The following MAN1A2 variants were observed in gnomAD, a reference collection of about 807,000 sequenced individuals.
The protein encoded by MAN1A2 is mannosyl-oligosaccharide 1,2-alpha-mannosidase IB.
Under a neutral mutation model 75.7 loss-of-function variants are expected in MAN1A2, and 26 were observed. That is an observed-to-expected ratio of 0.34 (90% CI 0.25 to 0.48). MAN1A2 has a LOEUF of 0.48. MAN1A2 is among the 20% of genes least tolerant of loss of function. MAN1A2 has a pLI of 0.99. For synonymous variants in MAN1A2, 247 were observed against 264.6 expected (o/e 0.93, Z 0.65); for missense variants, 562 against 775.5 (o/e 0.72, Z 3.27).
chr1:117,475,147 C>G (rs1359825196), intron 8 of MAN1A2, among the ~76,000 whole-genome samples: 2 of 151,708 alleles, frequency 1.3e-5, no homozygotes, highest in Non-Finnish European at 2.9e-5. Flanking sequence ...GACTTACACA[C>G]CTTCATATGT....
In MAN1A2 at chr1:117,442,217, G is replaced by A; in HGVS notation, c.856-14G>A. Reference sequence around the variant, plus strand: ...ATGGCTATAATTTATGAATATTCATGTTTTAAATCTCAGATATTCAAGATT... The same window carrying A: ...ATGGCTATAATTTATGAATATTCATATTTTAAATCTCAGATATTCAAGATT... On this transcript the variant is annotated splice_polypyrimidine_tract_variant and intron_variant, in intron 5 of 12. Transcript: ENST00000356554. 2 of 1,507,156 alleles carry A rather than the reference G, an allele frequency of 1.3e-6. No individual in the cohort carries two copies. The highest frequency in any genetic ancestry group is 1.8e-6 in the Non-Finnish European group (2 of 1,082,566). 93.4% of individuals were successfully genotyped at this position (1,507,156 alleles called of 1,614,324 possible).
At chr1:117,470,810 A>G (rs1179892095) in intron 8 of MAN1A2, among the ~76,000 whole-genome samples, 1 of 152,024 alleles carries the variant, frequency 6.6e-6, no homozygotes, top group Non-Finnish European at 1.5e-5. Flanking sequence ...TCATATTTAT[A>G]AATAGTCTGC....
chr1:117,484,689 G>A (rs2101864049), intron 8 of MAN1A2, among the ~76,000 whole-genome samples: 1 of 152,036 alleles, frequency 6.6e-6, no homozygotes, highest in South Asian at 2.1e-4. Flanking sequence ...ACACATTTAT[G>A]ATTTAATACT....
At chr1:117,398,767 G>C (rs1200925956) in intron 1 of MAN1A2, among the ~76,000 whole-genome samples, 2 of 151,972 alleles carry the variant, frequency 1.3e-5, no homozygotes. Flanking sequence ...ATAGATAGAA[G>C]CTACATTATA....
At chr1:117,424,080 AATATACTTTAAT>A (rs1648289843) in intron 5 of MAN1A2, among the ~76,000 whole-genome samples, 1 of 152,200 alleles carries the variant, frequency 6.6e-6, no homozygotes, top group South Asian at 2.1e-4. Flanking sequence ...GTAGCTTTAA[AATATACTTTAAT>A]AGATTCTTCA....
chr1:117,481,250 T>G (rs1324997929), intron 8 of MAN1A2, among the ~76,000 whole-genome samples: 1 of 151,836 alleles, frequency 6.6e-6, no homozygotes, highest in East Asian at 1.9e-4. Flanking sequence ...ACTTCAACTG[T>G]TTTTCAATGC....
intron 12 of MAN1A2, among the ~76,000 whole-genome samples, chr1:117,508,793 A>C (rs994439664): frequency 6.6e-6 from 1 of 151,220 alleles, no homozygotes; most frequent in Non-Finnish European, 1.5e-5. Flanking sequence ...ATAGATGAAC[A>C]TGTTAATAGT....
Position 117,499,779 on chromosome 1 carries a change from A to G in MAN1A2, c.1677+225A>G, listed in dbSNP as rs1189327567. 4.7e-5 allele frequency among the ~76,000 whole-genome samples: 7 copies of G among 148,860 alleles called. No homozygotes were observed. The Admixed American group carries it at 4.7e-4, about 10-fold the overall frequency. On this transcript the variant is annotated intron_variant, in intron 11 of 12. Coordinates refer to ENST00000356554, the MANE Select transcript of MAN1A2 (RefSeq NM_006699.5). The stretch of plus-strand genomic sequence containing the variant: ...ATATATTAAAAATATATAAATATAT[A>G]TATTTCAAAGGAGGAATTTTTAATG...
intron 10 of MAN1A2, among the ~76,000 whole-genome samples, chr1:117,498,688 C>G (rs1651106912): frequency 6.6e-6 from 1 of 151,782 alleles, no homozygotes; most frequent in Non-Finnish European, 1.5e-5. Flanking sequence ...GATTTGTGTC[C>G]TGTATTTTCA....
chr1:117,443,248 G>A (rs574121802), intron 6 of MAN1A2, among the ~76,000 whole-genome samples: 1 of 152,218 alleles, frequency 6.6e-6, no homozygotes, highest in African/African-American at 2.4e-5. Flanking sequence ...ACTTTATTGA[G>A]TTTAGATTTA....
chr1:117,488,480 G>GCCA (rs1277486401), intron 8 of MAN1A2, among the ~76,000 whole-genome samples: 7 of 152,024 alleles, frequency 4.6e-5, no homozygotes, highest in African/African-American at 1.4e-4. Flanking sequence ...GCAGGCGTGA[G>GCCA]CCACCATACC....
chr1:117,443,429 G>A (rs1363155419), intron 6 of MAN1A2, among the ~76,000 whole-genome samples: 1 of 152,106 alleles, frequency 6.6e-6, no homozygotes, highest in African/African-American at 2.4e-5. Context: ...GTATACGCTT[G>A]TTCTCGTTCC....
At chr1:117,468,825 A>G (rs1046767845) in intron 8 of MAN1A2, among the ~76,000 whole-genome samples, 1 of 152,154 alleles carries the variant, frequency 6.6e-6, no homozygotes, top group Non-Finnish European at 1.5e-5. Context: ...AGGAAACACT[A>G]TAGAAATAGA....
At chr1:117,455,935 T>C (rs966136702) in intron 6 of MAN1A2, among the ~76,000 whole-genome samples, 4 of 152,092 alleles carry the variant, frequency 2.6e-5, no homozygotes, top group African/African-American at 7.2e-5. Context: ...ATTCATCTGC[T>C]GTCAAACAAG....
At chr1:117,385,861 GC>G (rs1334882920) in intron 1 of MAN1A2, among the ~76,000 whole-genome samples, 2 of 151,968 alleles carry the variant, frequency 1.3e-5, no homozygotes, top group Admixed American at 6.6e-5. Context: ...ATTAAGTGAA[GC>G]CAGATACACA....
chr1:117,377,718 C>G (rs189436116), intron 1 of MAN1A2, among the ~76,000 whole-genome samples: 1 of 152,278 alleles, frequency 6.6e-6, no homozygotes, highest in East Asian at 1.9e-4. Context: ...TGCTGTGAAT[C>G]TTTCTGGTTA....
At chr1:117,369,204 A>C (rs1480165343) in intron 1 of MAN1A2, among the ~76,000 whole-genome samples, 1 of 152,202 alleles carries the variant, frequency 6.6e-6, no homozygotes, top group Non-Finnish European at 1.5e-5. Flanking sequence ...TGTGTCAAGC[A>C]ACTATTGGAA....
intron 8 of MAN1A2, among the ~76,000 whole-genome samples, chr1:117,491,039 A>G (rs947869587): frequency 6.6e-6 from 1 of 152,054 alleles, no homozygotes; most frequent in Non-Finnish European, 1.5e-5. Flanking sequence ...GCTGCCTCCA[A>G]AACATAAAGG....
chr1:117,390,357 GTTTT>G (rs926777520), intron 1 of MAN1A2, among the ~76,000 whole-genome samples: 5 of 145,564 alleles, frequency 3.4e-5, no homozygotes, highest in South Asian at 2.2e-4. Context: ...CACTTGAGTA[GTTTT>G]TTTTTTTTAA....
Sources: allele counts gnomAD v4.1 joint callset (sites outside exome capture counted in the v4.1 genomes callset), GRCh38; gene constraint gnomAD v4.1.1; transcripts MANE v1.5; gene names NCBI Gene and HGNC (gene_info 2026-07-23, HGNC 2026-07-21).